Variants in GYPB observed in about 807,000 individuals in gnomAD.
GYPB encodes glycophorin B (MNS blood group), also known as glycophorin-B.
GYPB carries 13 observed loss-of-function variants against 15.3 expected under a neutral mutation model. The observed-to-expected ratio is 0.85, with a 90% CI of 0.55 to 1.35. The LOEUF is 1.35. Among genes scored for constraint, GYPB ranks in the 40% most tolerant of loss-of-function variants. The probability of loss-of-function intolerance (pLI) is 0.00; values close to 1 mark genes in which losing one functional copy is unlikely to be tolerated. For missense variants in GYPB, 131 were observed against 108.3 expected (o/e 1.21, Z -0.93); for synonymous variants, 38 against 36.9 (o/e 1.03, Z -0.11).
At chr4:144,017,718 C>T (rs372479925) in intron 1 of GYPB, among the ~76,000 whole-genome samples, 25 of 151,460 alleles carry the variant, frequency 1.7e-4, no homozygotes, top group African/African-American at 2.2e-4. Context: ...CAGTAGAGTA[C>T]GCAGTGTCTA....
intron 1 of GYPB, among the ~76,000 whole-genome samples, chr4:144,018,161 A>G (rs914781991): frequency 1.3e-5 from 2 of 151,320 alleles, no homozygotes; most frequent in Non-Finnish European, 1.5e-5. Context: ...ATTTTGTTTA[A>G]TCTTTATGCA....
Position 144,019,354 on chromosome 4 carries a change from G to C in GYPB, c.-67C>G. 1 of 1,611,462 alleles carries C rather than the reference G, an allele frequency of 6.2e-7. No individual in the cohort carries two copies. Among genetic ancestry groups the C allele is most frequent in the Non-Finnish European group, 8.5e-7 (1 of 1,179,176 alleles). On this transcript the variant is annotated 5_prime_UTR_variant, in exon 1 of 5. Coordinates refer to ENST00000502664, the MANE Select transcript of GYPB (RefSeq NM_002100.6). Reference sequence around the variant, plus strand: ...CTACCAAAGACAACTGCAAGTGTCAGTGTCTGGCCTTAGCCTACTAGCTGT... The same window carrying C: ...CTACCAAAGACAACTGCAAGTGTCACTGTCTGGCCTTAGCCTACTAGCTGT...
At chr4:144,006,156 A>G (rs1205738812) in intron 1 of GYPB, among the ~76,000 whole-genome samples, 2 of 151,922 alleles carry the variant, frequency 1.3e-5, no homozygotes, top group Admixed American at 6.5e-5. Context: ...TACAAAGTAA[A>G]TCTGTGTGAC....
chr4:144,005,250 A>G (rs1254998145), intron 1 of GYPB, among the ~76,000 whole-genome samples: 1 of 151,960 alleles, frequency 6.6e-6, no homozygotes, highest in African/African-American at 2.4e-5. Flanking sequence ...ATATCTGGTA[A>G]GCAGCAGAAC....
intron 1 of GYPB, among the ~76,000 whole-genome samples, chr4:144,013,414 A>G (rs1728322535): frequency 6.6e-6 from 1 of 151,366 alleles, no homozygotes; most frequent in South Asian, 2.1e-4. Flanking sequence ...CCATCCAATT[A>G]CTGGGTATAT....
In GYPB at chr4:143,997,613, A is replaced by T. The variant is rs752429743; in HGVS notation, c.197T>A (p.Ile66Asn). The change falls in exon 4 of 5, where the codon ATT becomes AAT. Residue 66 changes from isoleucine to asparagine, a missense_variant. Coordinates refer to ENST00000502664, the MANE Select transcript of GYPB (RefSeq NM_002100.6). ...TVPAPVVIIL[I>N]ILCVMAGIIG... ...AATACCAGCCATCACACACAAAATA[A>T]TGAGTATTATCACTACAGGAGCTAA... is the stretch of plus-strand genomic sequence containing the variant. 4.4e-6 allele frequency: 7 copies of T among 1,585,056 alleles called. No homozygotes were observed. The Admixed American group carries it at 1.2e-4, about 26-fold the overall frequency.
intron 3 of GYPB, among the ~76,000 whole-genome samples, chr4:143,998,997 A>G (rs1435452998): frequency 6.6e-6 from 1 of 151,132 alleles, no homozygotes; most frequent in Non-Finnish European, 1.5e-5. Context: ...TCCCAGGCTC[A>G]GGCAATGGAT....
Position 143,997,107 on chromosome 4 carries a change from T to C in GYPB, c.270+433A>G, listed in dbSNP as rs1003312031. Reference sequence around the variant, plus strand: ...TTTTTTGTATAGACTAGGTTTCACCTTTTTGCTCAGGCTGGTCTCAAACTG... The same window carrying C: ...TTTTTTGTATAGACTAGGTTTCACCCTTTTGCTCAGGCTGGTCTCAAACTG... On this transcript the variant is annotated intron_variant, in intron 4 of 4. Coordinates refer to ENST00000502664, the MANE Select transcript of GYPB (RefSeq NM_002100.6). Among the ~76,000 whole-genome samples, 39 of 151,176 alleles carry C rather than the reference T, an allele frequency of 2.6e-4. 2 individuals carry two copies. The highest frequency in any genetic ancestry group is 9.4e-4 in the African/African-American group (38 of 40,636).
At chr4:144,011,253 G>A (rs539756271) in intron 1 of GYPB, among the ~76,000 whole-genome samples, 7 of 151,362 alleles carry the variant, frequency 4.6e-5, no homozygotes, top group Non-Finnish European at 7.4e-5. Flanking sequence ...GGTGGTGTGC[G>A]CCTGTATTGT....
At chr4:144,010,276 C>A (rs181649276) in intron 1 of GYPB, among the ~76,000 whole-genome samples, 2 of 150,942 alleles carry the variant, frequency 1.3e-5, no homozygotes, top group Non-Finnish European at 2.9e-5. Context: ...CCAGCCTGGG[C>A]AATATAGCAA....
At chr4:144,004,961 C>T (rs1727823028) in intron 1 of GYPB, among the ~76,000 whole-genome samples, 1 of 151,846 alleles carries the variant, frequency 6.6e-6, no homozygotes, top group Non-Finnish European at 1.5e-5. Flanking sequence ...GAACAACAAA[C>T]TTTAGTTTGC....
intron 1 of GYPB, among the ~76,000 whole-genome samples, chr4:144,018,690 C>T (rs1028583891): frequency 5.3e-5 from 8 of 151,096 alleles, no homozygotes; most frequent in Admixed American, 2.0e-4. Context: ...TTAAATTTCT[C>T]CTAAAATTCA....
At chr4:144,011,568 C>T (rs949079631) in intron 1 of GYPB, among the ~76,000 whole-genome samples, 14 of 150,972 alleles carry the variant, frequency 9.3e-5, no homozygotes, top group African/African-American at 3.2e-4. Context: ...CAACGAGAAA[C>T]ATAAAGCAGA....
At chr4:144,000,542 T>C in intron 2 of GYPB, 1 of 397,390 alleles carries the variant, frequency 2.5e-6, no homozygotes, top group Non-Finnish European at 4.6e-6. Context: ...CAGCGTATCA[T>C]GAAAGACAAA....
chr4:144,013,199 C>T (rs1728310039), intron 1 of GYPB, among the ~76,000 whole-genome samples: 2 of 151,026 alleles, frequency 1.3e-5, no homozygotes, highest in Non-Finnish European at 2.9e-5. Flanking sequence ...CAGAGAAATG[C>T]AAATCAAAAC....
chr4:143,996,223 A>C lies in GYPB; in HGVS notation c.*76T>G. 6.5e-7 allele frequency: 1 copy of C among 1,549,848 alleles called. No individual in the cohort carries two copies. The highest frequency in any genetic ancestry group is 8.7e-7 in the Non-Finnish European group (1 of 1,146,532). ...GCATAAGCAAAGGAATAGCAGGTGC[A>C]GCCAGTTTGCATAAACAAGAGAACA... On this transcript the variant is annotated 3_prime_UTR_variant, in exon 5 of 5. Transcript: ENST00000502664.
chr4:144,018,512 C>A (rs1464852953), intron 1 of GYPB, among the ~76,000 whole-genome samples: 1 of 151,208 alleles, frequency 6.6e-6, no homozygotes, highest in Non-Finnish European at 1.5e-5. Flanking sequence ...ATTGCTAACA[C>A]ATAAGCACTG....
intron 1 of GYPB, among the ~76,000 whole-genome samples, chr4:144,015,542 A>G (rs1234907684): frequency 6.6e-6 from 1 of 151,502 alleles, no homozygotes; most frequent in African/African-American, 2.5e-5. Flanking sequence ...CTTCTCAAAT[A>G]GTCTCATAGA....
intron 1 of GYPB, among the ~76,000 whole-genome samples, chr4:144,015,149 T>C (rs182032823): frequency 5.6e-4 from 85 of 151,604 alleles, no homozygotes; most frequent in Non-Finnish European, 3.2e-4. Context: ...GGTTTACTTT[T>C]TAAAATATAT....
Sources: gnomAD v4.1 joint callset for allele counts (sites outside exome capture counted in the v4.1 genomes callset) on GRCh38, gnomAD v4.1.1 for gene constraint, MANE v1.5 for transcripts, NCBI Gene and HGNC (gene_info 2026-07-23, HGNC 2026-07-21) for gene names.